Variants in TSC22D1 observed in about 807,000 individuals in gnomAD.
TSC22D1 encodes the protein TSC22 domain family member 1, also known as TSC22 domain family protein 1.
In TSC22D1, 9 loss-of-function variants were observed where a neutral mutation model predicts 74.2. The ratio of observed to expected loss-of-function variants is 0.12; its 90% CI spans 0.07 to 0.21. The LOEUF is 0.21. Ranked by LOEUF, TSC22D1 falls within the 10% of genes least tolerant of loss-of-function variation. The pLI is 1.00. For synonymous variants in TSC22D1, 586 were observed against 492.5 expected, an observed-to-expected ratio of 1.19 and a Z score of -2.51; for missense variants, 1,427 against 1,304.7, an observed-to-expected ratio of 1.09 and a Z score of -1.44.
intron 1 of TSC22D1, among the ~76,000 whole-genome samples, chr13:44,444,571 G>A (rs1183911982): frequency 6.6e-6 from 1 of 151,852 alleles, no homozygotes; most frequent in East Asian, 1.9e-4. Flanking sequence ...ATATTATAAA[G>A]AATAAAGGTC....
At chr13:44,564,717 C>T (rs1883257514) in intron 1 of TSC22D1, among the ~76,000 whole-genome samples, 1 of 152,052 alleles carries the variant, frequency 6.6e-6, no homozygotes, top group Non-Finnish European at 1.5e-5. Flanking sequence ...GAACAGATTT[C>T]CATTTTAAGA....
In TSC22D1 at chr13:44,433,875, C is replaced by T. The variant is rs546960692; in HGVS notation, c.*751G>A. 2.9e-4 allele frequency: 316 copies of T among 1,100,624 alleles called. 1 individual carries two copies. In the Middle Eastern group the frequency reaches 5.9e-3, roughly 20 times the overall value. The allele number at this position is 1,100,624 out of a possible 1,614,324, so 68.2% of individuals were successfully genotyped here. On this transcript the variant is annotated 3_prime_UTR_variant, in exon 3 of 3. Transcript: ENST00000458659. ...ATGTAGATCTATATATAAAAGTCCA[C>T]ACCTCCTCAGACAGCCAATGAAACA...
At chr13:44,576,742 G>A (rs944833614), upstream of TSC22D1, among the ~76,000 whole-genome samples, 6 of 151,400 alleles carry the variant, frequency 4.0e-5, no homozygotes, top group Non-Finnish European at 7.4e-5. Context: ...GCTGCGAGCG[G>A]GGCGGCGGCG....
intron 1 of TSC22D1, among the ~76,000 whole-genome samples, chr13:44,555,782 TGTTCAAAGCTTGA>T (rs1882600973): frequency 6.6e-6 from 1 of 151,242 alleles, no homozygotes; most frequent in Non-Finnish European, 1.5e-5. Context: ...CCTTCAAAAA[TGTTCAAAGCTTGA>T]GAGAAAAGCT....
intron 1 of TSC22D1, among the ~76,000 whole-genome samples, chr13:44,551,548 G>C (rs951943938): frequency 1.9e-4 from 29 of 151,982 alleles, no homozygotes; most frequent in African/African-American, 7.0e-4. Flanking sequence ...AGCCTCCCAA[G>C]TAGCTGGGAT....
intron 1 of TSC22D1, among the ~76,000 whole-genome samples, chr13:44,485,109 G>A (rs1279921794): frequency 6.6e-6 from 1 of 152,078 alleles, no homozygotes; most frequent in Admixed American, 6.5e-5. Context: ...GAAGCAATAA[G>A]GAGCAGGCAG....
At chr13:44,577,175 G>A (rs1884305293), upstream of TSC22D1, 4 of 152,362 alleles carry the variant, frequency 2.6e-5, no homozygotes, top group Admixed American at 1.3e-4. Flanking sequence ...TCAAAGGAAC[G>A]AGGTGGGGTT....
intron 1 of TSC22D1, among the ~76,000 whole-genome samples, chr13:44,503,220 T>C (rs1879293360): frequency 6.6e-6 from 1 of 152,178 alleles, no homozygotes. Context: ...ACCAATAATT[T>C]TCAAGTTATC....
At chr13:44,475,136 T>C (rs1877834696) in intron 1 of TSC22D1, among the ~76,000 whole-genome samples, 1 of 152,128 alleles carries the variant, frequency 6.6e-6, no homozygotes, top group African/African-American at 2.4e-5. Flanking sequence ...TGGTATTAAT[T>C]ATGAGACGGA....
chr13:44,533,744 T>C (rs1056352637), intron 1 of TSC22D1, among the ~76,000 whole-genome samples: 1 of 152,090 alleles, frequency 6.6e-6, no homozygotes, highest in Non-Finnish European at 1.5e-5. Context: ...GGTTGCCCCA[T>C]GGCACTCCAG....
At chr13:44,464,209 T>C (rs959263184) in intron 1 of TSC22D1, among the ~76,000 whole-genome samples, 4 of 152,228 alleles carry the variant, frequency 2.6e-5, no homozygotes, top group African/African-American at 9.6e-5. Context: ...GTAAAAATAA[T>C]AATAGTATTT....
intron 1 of TSC22D1, among the ~76,000 whole-genome samples, chr13:44,440,732 G>A (rs1318611814): frequency 6.6e-6 from 1 of 151,966 alleles, no homozygotes; most frequent in Non-Finnish European, 1.5e-5. Flanking sequence ...TTCCAGAACT[G>A]AAGGACACAA....
chr13:44,536,931 A>T, intron 1 of TSC22D1: 1 of 597,832 alleles, frequency 1.7e-6, no homozygotes, highest in African/African-American at 3.6e-5. Flanking sequence ...TTTCTGAAAA[A>T]AAAAAAAAAA....
At chr13:44,544,995 T>C (rs991347849) in intron 1 of TSC22D1, among the ~76,000 whole-genome samples, 1 of 152,096 alleles carries the variant, frequency 6.6e-6, no homozygotes, top group Non-Finnish European at 1.5e-5. Context: ...ATATTGACTA[T>C]AAAAAAGGAT....
At position 44,573,867 on chromosome 13, in the gene TSC22D1, T is replaced by G. The variant is rs747242039; in HGVS notation, c.2208A>C (p.Ala736=). 3 of 1,614,208 alleles carry G rather than the reference T, an allele frequency of 1.9e-6. No homozygotes were observed. Among genetic ancestry groups the G allele is most frequent in the South Asian group, 2.2e-5 (2 of 91,088 alleles). ...GCTGCTGCACTGCAGTAGGTATGTT[T>G]GCTTGCTGACCAATATTTGCAATCT... ...GSQIANIGQQ[A]NIPTAVQQPS... is the part of the protein sequence containing the mutation. The change falls in exon 1 of 3, where the codon GCA becomes GCC. Residue 736 remains alanine, a synonymous_variant. Coordinates refer to ENST00000458659, the MANE Select transcript of TSC22D1 (RefSeq NM_183422.4).
At chr13:44,453,349 T>C (rs1876310064) in intron 1 of TSC22D1, among the ~76,000 whole-genome samples, 1 of 152,214 alleles carries the variant, frequency 6.6e-6, no homozygotes, top group Admixed American at 6.5e-5. Context: ...ATTTTTAAAA[T>C]GCACAAGTTA....
intron 1 of TSC22D1, among the ~76,000 whole-genome samples, chr13:44,540,491 T>C (rs144356970): frequency 3.7e-4 from 57 of 152,314 alleles, no homozygotes; most frequent in Middle Eastern, 6.8e-3. Flanking sequence ...CTATATTTTA[T>C]GAAAGCTTAT....
intron 1 of TSC22D1, among the ~76,000 whole-genome samples, chr13:44,443,067 A>G (rs913751628): frequency 1.3e-5 from 2 of 151,886 alleles, no homozygotes; most frequent in Non-Finnish European, 2.9e-5. Flanking sequence ...AAATAACGGT[A>G]ATTTTCCTCA....
At chr13:44,544,566 A>C (rs1331459167) in intron 1 of TSC22D1, among the ~76,000 whole-genome samples, 1 of 151,478 alleles carries the variant, frequency 6.6e-6, no homozygotes, top group Non-Finnish European at 1.5e-5. Flanking sequence ...AACCAACGGG[A>C]AGGAAGTCTG....
Sources: allele counts gnomAD v4.1 joint callset (sites outside exome capture counted in the v4.1 genomes callset), GRCh38; gene constraint gnomAD v4.1.1; transcripts MANE v1.5; gene names NCBI Gene and HGNC (gene_info 2026-07-23, HGNC 2026-07-21).